The following PNPLA6 variants were observed in gnomAD, a reference collection of about 807,000 sequenced individuals.
PNPLA6 encodes the protein patatin-like phospholipase domain-containing protein 6.
PNPLA6 carries 105 observed loss-of-function variants against 153.7 expected under a neutral mutation model. The observed-to-expected ratio is 0.68, with a 90% CI of 0.58 to 0.80. The LOEUF is 0.80. PNPLA6 is among the 30% of genes least tolerant of loss of function. The probability of loss-of-function intolerance (pLI) is 0.00; values close to 1 mark genes in which losing one functional copy is unlikely to be tolerated. For missense variants in PNPLA6, 1,423 were observed against 1,919.3 expected (o/e 0.74, Z 4.83); for synonymous variants, 825 against 822.2 (o/e 1.00, Z -0.06).
At chr19:7,551,509 T>G (rs1053603360) in intron 18 of PNPLA6, 72 bp downstream of exon 18, 80 of 1,295,986 alleles carry the variant, frequency 6.2e-5, no homozygotes, top group African/African-American at 8.7e-5. Context: ...GAGGGAAGCC[T>G]TCTTTCCTGA....
intron 13 of PNPLA6, among the ~76,000 whole-genome samples, chr19:7,547,922 C>T (rs1354419858): frequency 6.8e-6 from 1 of 146,104 alleles, no homozygotes; most frequent in Non-Finnish European, 1.5e-5. Context: ...CTAGGCCTCT[C>T]AAAGTTCTGG....
At chr19:7,549,411 C>T (rs1387165742) in intron 13 of PNPLA6, among the ~76,000 whole-genome samples, 6 of 151,772 alleles carry the variant, frequency 4.0e-5, no homozygotes, top group Non-Finnish European at 4.4e-5. Context: ...TGGTCTCGAT[C>T]TCCTGACCTC....
In PNPLA6 at chr19:7,554,705, G is replaced by A. The variant is rs760611035; in HGVS notation, c.2616G>A (p.Gln872=). 16 of 1,613,356 alleles carry A rather than the reference G, an allele frequency of 9.9e-6. No individual in the cohort carries two copies. Among genetic ancestry groups the A allele is most frequent in the Middle Eastern group, 1.7e-4 (1 of 6,020 alleles). The change falls in exon 21 of 32, where the codon CAG becomes CAA. Residue 872 remains glutamine (Q), a synonymous_variant. Coordinates refer to ENST00000600737, the MANE Select transcript of PNPLA6 (RefSeq NM_001166114.2). ...DCILIVGLGD[Q]EPTLGQLEQM... ...TCCTCATTGTGGGCCTGGGGGACCA[G>A]GAGCCTACCCTCGGCCAGGTCGGAA...
At position 7,560,986 on chromosome 19, in the gene PNPLA6, T is replaced by C. The variant is rs535125797; in HGVS notation, c.3817-28T>C. On this transcript the variant is annotated intron_variant, in intron 29 of 31. Transcript: ENST00000600737. ...GCCCCAAGACTCTGTGGGCCCCCCC[T>C]AAGAGCCTCACCAGTGTCACCCCAC... 2.6e-4 allele frequency: 386 copies of C among 1,471,624 alleles called. No individual in the cohort carries two copies. The East Asian group carries it at 3.2e-3, about 12-fold the overall frequency. The allele number at this position is 1,471,624 out of a possible 1,614,324, so 91.2% of individuals were successfully genotyped here. A position where few individuals can be genotyped will look rare whatever the true frequency, so the allele number is the denominator to read the frequency against.
Position 7,536,026 on chromosome 19 carries a change from C to T in PNPLA6, c.232+6C>T. The T allele has an allele frequency of 6.3e-7, 1 of 1,574,936 alleles. No individual in the cohort carries two copies. Among genetic ancestry groups the T allele is most frequent in the Non-Finnish European group, 8.6e-7 (1 of 1,161,134 alleles). On this transcript the variant is annotated splice_donor_region_variant and intron_variant, in intron 1 of 31. Coordinates refer to ENST00000600737, the MANE Select transcript of PNPLA6 (RefSeq NM_001166114.2). ...GCGGAGGCTGCGAGTGCCAAGTGAG[C>T]ACCCGAGGGGCCCCTCTTGGGAGGC...
upstream of PNPLA6, chr19:7,535,321 G>A: frequency 1.6e-6 from 1 of 623,164 alleles, no homozygotes; most frequent in Non-Finnish European, 2.9e-6. This position sits in a 1 kb window ranked among gnomAD's most constrained non-coding sequence, Gnocchi z 5.0. Context: ...CCTGGCCAGG[G>A]CCGAGAGGTC....
chr19:7,559,256 G>C, intron 28 of PNPLA6, 105 bp downstream of exon 28: 1 of 956,424 alleles, frequency 1.0e-6, no homozygotes, highest in South Asian at 1.3e-5. Flanking sequence ...AGGAATCCAG[G>C]AATCCCATCT....
chr19:7,560,976 G>T (rs1290892057), intron 29 of PNPLA6, 38 bp from the exon 30 acceptor site: 1 of 1,408,420 alleles, frequency 7.1e-7, no homozygotes, highest in Non-Finnish European at 9.9e-7. Context: ...AAGACTCTGT[G>T]GGCCCCCCCT....
rs577219 is a variant in PNPLA6, at chr19:7,550,699, T to G, written c.2070+59T>G. 0.71 allele frequency: 1,125,647 copies of G among 1,592,046 alleles called. 400,138 individuals carry two copies. The highest frequency in any genetic ancestry group is 0.81 in the Admixed American group (47,239 of 58,418). ...TTTTCCAGGCCAGTCCCTCGACAACTCACACACATCATCCCGGGTAATCCA... is the reference window on the plus strand; with the variant it reads ...TTTTCCAGGCCAGTCCCTCGACAACGCACACACATCATCCCGGGTAATCCA... On this transcript the variant is annotated intron_variant, in intron 16 of 31. Coordinates refer to ENST00000600737, the MANE Select transcript of PNPLA6 (RefSeq NM_001166114.2).
Position 7,541,366 on chromosome 19 carries a change from C to CAGTCACCTTCCT in PNPLA6, c.937_938insAGTCACCTTCCT (p.Arg313delinsGlnSerProSerTrp). The CAGTCACCTTCCT allele has an allele frequency of 6.2e-7, 1 of 1,613,528 alleles. No individual in the cohort carries two copies. Among genetic ancestry groups the CAGTCACCTTCCT allele is most frequent in the Non-Finnish European group, 8.5e-7 (1 of 1,179,654 alleles). On this transcript the variant is annotated protein_altering_variant, in exon 8 of 32. Coordinates refer to ENST00000600737, the MANE Select transcript of PNPLA6 (RefSeq NM_001166114.2). The surrounding 1 kb of genome is among the most constrained non-coding windows in gnomAD (Gnocchi z 5.2). Reference sequence around the variant, plus strand: ...TCGAGCCCTGCAGATCATCATGGTGCGGCTGCAGCGAGTCACCTTCCTGGC... The same window carrying CAGTCACCTTCCT: ...TCGAGCCCTGCAGATCATCATGGTGCAGTCACCTTCCTGGCTGCAGCGAGTCACCTTCCTGGC...
At position 7,554,988 on chromosome 19, in the gene PNPLA6, G is replaced by A. The variant is rs772253212; in HGVS notation, c.2730G>A (p.Glu910=). ...GCGCGGGCCCCACGCGCACCGTGGAGTGGCTAAATATGCGCAGCTGGTGCT... is the reference window on the plus strand; with the variant it reads ...GCGCGGGCCCCACGCGCACCGTGGAATGGCTAAATATGCGCAGCTGGTGCT... ...EEGAGPTRTV[E]WLNMRSWCSG... The change falls in exon 22 of 32, where the codon GAG becomes GAA. Residue 910 remains glutamate (E), a synonymous_variant. Transcript: ENST00000600737. The A allele has an allele frequency of 6.3e-6, 10 of 1,594,494 alleles. No homozygotes were observed. The highest frequency in any genetic ancestry group is 8.5e-6 in the Non-Finnish European group (10 of 1,177,950).
Position 7,542,424 on chromosome 19 carries a change from T to G in PNPLA6, c.1253-137T>G, listed in dbSNP as rs1037424206. ...GTCATAGCTCACTGCAGCCTCGAACTCCTATGCTCAAGTGATCCTCCAGCC... is the reference window on the plus strand; with the variant it reads ...GTCATAGCTCACTGCAGCCTCGAACGCCTATGCTCAAGTGATCCTCCAGCC... On this transcript the variant is annotated intron_variant, in intron 10 of 31. Transcript: ENST00000600737. 4 of 728,354 alleles carry G rather than the reference T, an allele frequency of 5.5e-6. No individual in the cohort carries two copies. The African/African-American group carries it at 7.0e-5, about 13-fold the overall frequency. 45.1% of individuals were successfully genotyped at this position (728,354 alleles called of 1,614,324 possible).
In PNPLA6 at chr19:7,540,878, C is replaced by G; in HGVS notation, c.796-45C>G. 1 of 1,612,356 alleles carries G rather than the reference C, an allele frequency of 6.2e-7. No homozygotes were observed. ...GATTAGGGGAGTAGCGAGGGGGACT[C>G]GCAGCCTCTGCCCTTGTCTCTCTTC... is the stretch of plus-strand genomic sequence containing the variant. On this transcript the variant is annotated intron_variant, in intron 6 of 31. Coordinates refer to ENST00000600737, the MANE Select transcript of PNPLA6 (RefSeq NM_001166114.2). The surrounding 1 kb of genome is among the most constrained non-coding windows in gnomAD (Gnocchi z 6.8).
chr19:7,538,325 C>A (rs1232140677), intron 3 of PNPLA6, among the ~76,000 whole-genome samples: 1 of 152,068 alleles, frequency 6.6e-6, no homozygotes, highest in Admixed American at 6.5e-5. Flanking sequence ...AGACCATGGG[C>A]ATGCACCACC....
intron 17 of PNPLA6, 50 bp downstream of exon 17, chr19:7,551,157 G>T: frequency 8.1e-7 from 1 of 1,232,456 alleles, no homozygotes. Context: ...GACTCCGGGG[G>T]GGTGGGGGCC....
chr19:7,542,590 G>A lies in PNPLA6; in HGVS notation c.1282G>A (p.Asp428Asn), dbSNP rs760544239. 13 of 1,613,594 alleles carry A rather than the reference G, an allele frequency of 8.1e-6. No homozygotes were observed. The highest frequency in any genetic ancestry group is 5.3e-5 in the African/African-American group (4 of 74,928). ...GLQGGPRSDF[D>N]MAYERGRISV... ...GCAGGGTGGCCCCCGCTCCGACTTC[G>A]ACATGGCCTATGAGCGTGGCCGGAT... Residue 428 changes from aspartate (D) to asparagine (N), a missense_variant, in exon 11 of 32, where the codon GAC (aspartate) becomes AAC (asparagine). Around this residue, in one of 10 missense-constraint regions of PNPLA6, gnomAD observed 267 missense variants for 255.1 expected, o/e 1.05. Coordinates refer to ENST00000600737, the MANE Select transcript of PNPLA6 (RefSeq NM_001166114.2).
intron 3 of PNPLA6, among the ~76,000 whole-genome samples, chr19:7,538,012 C>T (rs1345805279): frequency 6.6e-6 from 1 of 152,054 alleles, no homozygotes; most frequent in Non-Finnish European, 1.5e-5. Context: ...AGGGTCTATA[C>T]CTCAGGTTTC....
At chr19:7,557,098 G>T in intron 26 of PNPLA6, 70 bp from the exon 27 acceptor site, 1 of 1,187,944 alleles carries the variant, frequency 8.4e-7, no homozygotes, top group Non-Finnish European at 1.2e-6. Flanking sequence ...CGAGCCCATC[G>T]GGCCGGCTGG....
chr19:7,558,002 C>T (rs1372008859), intron 27 of PNPLA6, among the ~76,000 whole-genome samples: 1 of 152,184 alleles, frequency 6.6e-6, no homozygotes, highest in Admixed American at 6.5e-5. Flanking sequence ...CACACAGGCA[C>T]ATGTGCACAG....
Sources: allele counts gnomAD v4.1 joint callset (sites outside exome capture counted in the v4.1 genomes callset), GRCh38; gene constraint gnomAD v4.1.1; regional missense constraint gnomAD v4.1.1; non-coding constraint Gnocchi (gnomAD v3.1); transcripts MANE v1.5; gene names NCBI Gene and HGNC (gene_info 2026-07-23, HGNC 2026-07-21).